MICAL3: variants seen among roughly 807,000 people sequenced by gnomAD.
The protein encoded by MICAL3 is microtubule associated monooxygenase, calponin and LIM domain containing 3.
In MICAL3, 62 loss-of-function variants were observed where a neutral mutation model predicts 207.4. The observed-to-expected ratio is 0.30, with a 90% CI of 0.24 to 0.37. The LOEUF (loss-of-function observed/expected upper bound fraction) is 0.37, where lower values mean the gene tolerates loss of function less well. Ranked by LOEUF, MICAL3 falls within the 10% of genes least tolerant of loss-of-function variation. MICAL3 has a pLI of 1.00. For missense variants in MICAL3, 2,368 were observed against 2,635.6 expected, an observed-to-expected ratio of 0.90 and a Z score of 2.22; for synonymous variants, 1,077 against 1,069.3, an observed-to-expected ratio of 1.01 and a Z score of -0.14.
intron 19 of MICAL3, chr22:17,862,391 A>C (rs1926617111): frequency 2.0e-6 from 1 of 490,842 alleles, no homozygotes. Flanking sequence ...AGTAGCTGGG[A>C]CTACAGGCAT....
chr22:17,974,782 C>G (rs910552501), intron 1 of MICAL3, among the ~76,000 whole-genome samples: 2 of 150,154 alleles, frequency 1.3e-5, no homozygotes, highest in African/African-American at 4.9e-5. Flanking sequence ...TTTCACAGCA[C>G]AGTGGTAGCA....
At position 18,014,144 on chromosome 22, in the gene MICAL3, T is replaced by C. The variant is rs567234670; in HGVS notation, c.-75+10137A>G. Reference sequence around the variant, plus strand: ...ACACACACACACACACACACACACATTTCTTGGTTTCCTGTCTGTGGAAGT... The same window carrying C: ...ACACACACACACACACACACACACACTTCTTGGTTTCCTGTCTGTGGAAGT... On this transcript the variant is annotated intron_variant, in intron 1 of 31. Transcript: ENST00000441493. 1.2e-4 allele frequency among the ~76,000 whole-genome samples: 16 copies of C among 138,072 alleles called. No homozygotes were observed. The South Asian group carries it at 3.4e-3, about 30-fold the overall frequency. The allele number at this position is 138,072 out of a possible 152,430, so 90.6% of individuals were successfully genotyped here. A position where few individuals can be genotyped will look rare whatever the true frequency, so the allele number is the denominator to read the frequency against.
At chr22:17,938,476 C>T (rs1381906706) in intron 1 of MICAL3, among the ~76,000 whole-genome samples, 1 of 152,156 alleles carries the variant, frequency 6.6e-6, no homozygotes, top group African/African-American at 2.4e-5. Context: ...TTTCCCTACG[C>T]TGCTGTGTTA....
intron 17 of MICAL3, among the ~76,000 whole-genome samples, chr22:17,866,553 A>G (rs1927135829): frequency 6.6e-6 from 1 of 152,090 alleles, no homozygotes; most frequent in Non-Finnish European, 1.5e-5. Context: ...AGGACATTAG[A>G]AGACAAAAAA....
rs1931267962 is a variant in MICAL3 at position 17,900,935 on chromosome 22, G to T, written c.754C>A (p.Arg252=). 1 of 1,613,910 alleles carries T rather than the reference G, an allele frequency of 6.2e-7. No homozygotes were observed. The part of the protein sequence containing the change: ...AIAITANFIN[R]NTTAEAKVEE... Reference sequence around the variant, plus strand: ...ACTTTAGCTTCTGCTGTTGTATTTCGGTTGATAAAATTTGCCGTGATGGCG... The same window carrying T: ...ACTTTAGCTTCTGCTGTTGTATTTCTGTTGATAAAATTTGCCGTGATGGCG... The change falls in exon 6 of 32, where the codon CGA becomes AGA. Residue 252 remains arginine (R), a synonymous_variant. Transcript: ENST00000441493. This position sits in a 1 kb window ranked among gnomAD's most constrained non-coding sequence, Gnocchi z 4.0.
Position 17,877,549 on chromosome 22 carries a change from G to GGGAGGTTAT in MICAL3, c.2242-5535_2242-5527dup, listed in dbSNP as rs796596668. On this transcript the variant is annotated intron_variant, in intron 16 of 31. Transcript: ENST00000441493. ...GAGGTGAGGGAGGTTATGGAGGTGAGGGAGGTTATGGAGGTTAGGGAGGTT... is the reference window on the plus strand; with the variant it reads ...GAGGTGAGGGAGGTTATGGAGGTGAGGGAGGTTATGGAGGTTATGGAGGTTAGGGAGGTT... Among the ~76,000 whole-genome samples, 2 of 100,696 alleles carry GGGAGGTTAT rather than the reference G, an allele frequency of 2.0e-5. 1 individual carries two copies. Among genetic ancestry groups the GGGAGGTTAT allele is most frequent in the Non-Finnish European group, 4.6e-5 (2 of 43,070 alleles). 66.1% of individuals were successfully genotyped at this position (100,696 alleles called of 152,430 possible). A position where few individuals can be genotyped will look rare whatever the true frequency, so the allele number is the denominator to read the frequency against.
intron 1 of MICAL3, among the ~76,000 whole-genome samples, chr22:17,965,925 T>C (rs773386940): frequency 2.6e-5 from 4 of 152,182 alleles, no homozygotes; most frequent in Non-Finnish European, 4.4e-5. Context: ...GAGGGTGGTC[T>C]GACCAACCAC....
chr22:17,827,713 A>G lies in MICAL3; in HGVS notation c.3124T>C (p.Trp1042Arg), dbSNP rs1922351098. 1 of 1,577,862 alleles carries G rather than the reference A, an allele frequency of 6.3e-7. No homozygotes were observed. Among genetic ancestry groups the G allele is most frequent in the Non-Finnish European group, 8.6e-7 (1 of 1,161,900 alleles). ...DPLEIQADVH[W>R]THIREREEEE... ...TCCTCTCTCTCACGGATATGAGTCC[A>G]GTGCACGTCAGCCTGGATCTCCAGA... is the stretch of plus-strand genomic sequence containing the variant. Residue 1042 changes from tryptophan to arginine, a missense_variant, in exon 22 of 32, where the codon TGG becomes CGG. Trp to Arg is a moderately radical substitution (Grantham distance 101). This residue lies in a region of MICAL3 where 1,770 missense variants were observed against 1,863.2 expected (regional missense o/e 0.95). Coordinates refer to ENST00000441493, the MANE Select transcript of MICAL3 (RefSeq NM_015241.3).
chr22:17,805,542 T>C (rs991508343), intron 29 of MICAL3, among the ~76,000 whole-genome samples: 3 of 152,120 alleles, frequency 2.0e-5, no homozygotes, highest in Non-Finnish European at 4.4e-5. Context: ...AACAGAAACA[T>C]CTTTGGATAG....
At chr22:17,903,644 T>A (rs973832070) in intron 3 of MICAL3, among the ~76,000 whole-genome samples, 13 of 152,188 alleles carry the variant, frequency 8.5e-5, no homozygotes, top group Non-Finnish European at 1.8e-4. Flanking sequence ...CCCAAATACT[T>A]GTTAAGCTCT....
At position 17,902,115 on chromosome 22, in the gene MICAL3, G is replaced by C. The variant is rs1602183228; in HGVS notation, c.590-136C>G. The C allele has an allele frequency of 1.5e-6, 1 of 645,342 alleles. No individual in the cohort carries two copies. The allele number at this position is 645,342 out of a possible 1,614,324, so 40.0% of individuals were successfully genotyped here. A position where few individuals can be genotyped will look rare whatever the true frequency, so the allele number is the denominator to read the frequency against. On this transcript the variant is annotated intron_variant, in intron 4 of 31. Transcript: ENST00000441493. The surrounding 1 kb of genome is among the most constrained non-coding windows in gnomAD (Gnocchi z 4.5). ...ACTATGTGTAGAAGCAGTGGAGACA[G>C]AGGCTGTGCACGGTGGCTCGTGCCT...
chr22:17,852,319 T>C (rs185558071), intron 19 of MICAL3, among the ~76,000 whole-genome samples: 6 of 152,240 alleles, frequency 3.9e-5, no homozygotes, highest in African/African-American at 1.4e-4. Context: ...CAGTCACACT[T>C]CTGTTTTCAC....
At chr22:17,839,953 G>C (rs1923841435) in intron 20 of MICAL3, 1 of 112,956 alleles carries the variant, frequency 8.9e-6, no homozygotes, top group African/African-American at 3.7e-5. Context: ...TTTTTTTTGA[G>C]ACGGAGTCTC....
At chr22:17,824,962 A>G (rs1027072532) in intron 22 of MICAL3, among the ~76,000 whole-genome samples, 1 of 152,224 alleles carries the variant, frequency 6.6e-6, no homozygotes, top group African/African-American at 2.4e-5. Context: ...CATCCCATGG[A>G]GAGGGCCACT....
At chr22:18,001,264 G>T (rs1426879647) in intron 1 of MICAL3, 3 of 152,036 alleles carry the variant, frequency 2.0e-5, no homozygotes, top group Admixed American at 1.3e-4. Context: ...GTCCGCTCGC[G>T]GGGCCACCCG....
chr22:18,022,636 C>A (rs1348976128), intron 1 of MICAL3, among the ~76,000 whole-genome samples: 2 of 152,150 alleles, frequency 1.3e-5, no homozygotes, highest in Non-Finnish European at 2.9e-5. Flanking sequence ...ACTATGTTGG[C>A]CAGGCTGGTC....
At chr22:17,894,329 C>T (rs1362441775) in intron 10 of MICAL3, among the ~76,000 whole-genome samples, 1 of 149,848 alleles carries the variant, frequency 6.7e-6, no homozygotes, top group East Asian at 2.0e-4. Flanking sequence ...GAAGTCAAAG[C>T]TTCAGTGAGC....
intron 1 of MICAL3, among the ~76,000 whole-genome samples, chr22:17,991,564 G>T (rs1921685087): frequency 6.6e-6 from 1 of 152,156 alleles, no homozygotes; most frequent in African/African-American, 2.4e-5. Context: ...GAAGGAACTT[G>T]TCATAAGCAG....
chr22:17,891,411 A>C (rs1352484925), intron 12 of MICAL3, 74 bp downstream of exon 12: 2 of 1,414,008 alleles, frequency 1.4e-6, no homozygotes, highest in Non-Finnish European at 2.0e-6. Flanking sequence ...AAAAGGACAA[A>C]ATGTTACTTG....
Sources: gnomAD v4.1 joint callset for allele counts (sites outside exome capture counted in the v4.1 genomes callset) on GRCh38, gnomAD v4.1.1 for gene constraint, gnomAD v4.1.1 regional missense constraint, Gnocchi (gnomAD v3.1) non-coding constraint, MANE v1.5 for transcripts, NCBI Gene and HGNC (gene_info 2026-07-23, HGNC 2026-07-21) for gene names.